XPA: variants seen among roughly 807,000 people sequenced by gnomAD.
XPA encodes the protein XPA, DNA damage recognition and repair factor, also known as DNA repair protein complementing XP-A cells.
In XPA, 27 loss-of-function variants were observed where a neutral mutation model predicts 35.7. The observed-to-expected ratio is 0.76, with a 90% confidence interval of 0.56 to 1.04. The LOEUF is 1.04. Among genes scored for constraint, XPA ranks in the 50% least tolerant of loss-of-function variants. The pLI, the probability that XPA is intolerant of heterozygous loss-of-function variation, is 0.00. For synonymous variants in XPA, 133 were observed against 118.4 expected (o/e 1.12, Z -0.80); for missense variants, 354 against 342.7 (o/e 1.03, Z -0.26).
chr9:97,693,427 T>G (rs1419931728), intron 2 of XPA, among the ~76,000 whole-genome samples: 1 of 152,198 alleles, frequency 6.6e-6, no homozygotes, highest in Non-Finnish European at 1.5e-5. Flanking sequence ...AACCCCTAAG[T>G]ACATCAGCCA....
chr9:97,682,086 CTATA>C (rs1303193596), intron 5 of XPA: 1 of 303,304 alleles, frequency 3.3e-6, no homozygotes, highest in Admixed American at 4.3e-5. Flanking sequence ...ATCTATCTAT[CTATA>C]CACACCTTAT....
the XPA span, among the ~76,000 whole-genome samples, chr9:97,655,144 T>C: frequency 2.0e-5 from 3 of 152,360 alleles, no homozygotes; most frequent in East Asian, 1.9e-4. Context: ...TTTTCTTTAA[T>C]TTCATTCTCT....
the XPA span, among the ~76,000 whole-genome samples, chr9:97,657,520 A>T: frequency 1.3e-5 from 2 of 152,190 alleles, no homozygotes; most frequent in African/African-American, 4.8e-5. Flanking sequence ...CCACCTGGTC[A>T]TGTCAATATC....
intron 1 of XPA, among the ~76,000 whole-genome samples, chr9:97,694,302 T>C (rs779288307): frequency 1.3e-5 from 2 of 152,228 alleles, no homozygotes; most frequent in Admixed American, 6.5e-5. Context: ...TTTTGGGCCA[T>C]GGTTGATTGT....
In XPA at chr9:97,676,540, C is replaced by G. The variant is rs891504326; in HGVS notation, c.674-953G>C. ...AAAAATAACATACATCAAGTAATCA[C>G]ATATTTTCCCTGATCCATTTTAGAT... On this transcript the variant is annotated intron_variant, in intron 5 of 5. Coordinates refer to ENST00000375128, the MANE Select transcript of XPA (RefSeq NM_000380.4). Among the ~76,000 whole-genome samples, 4 of 152,264 alleles carry G rather than the reference C, an allele frequency of 2.6e-5. No homozygotes were observed. The South Asian group carries it at 8.3e-4, about 32-fold the overall frequency.
chr9:97,676,164 G>A (rs1375920710), intron 5 of XPA, among the ~76,000 whole-genome samples: 1 of 152,054 alleles, frequency 6.6e-6, no homozygotes, highest in East Asian at 1.9e-4. Flanking sequence ...TTTAGGAGAG[G>A]GCTAAAAATA....
At chr9:97,679,447 A>G (rs138907300) in intron 5 of XPA, among the ~76,000 whole-genome samples, 1 of 152,346 alleles carries the variant, frequency 6.6e-6, no homozygotes, top group African/African-American at 2.4e-5. Context: ...AGGGGATTCT[A>G]CTGGGCAAAT....
the XPA span, among the ~76,000 whole-genome samples, chr9:97,655,353 T>G: frequency 6.6e-6 from 1 of 152,188 alleles, no homozygotes; most frequent in Non-Finnish European, 1.5e-5. Flanking sequence ...TAGCTGGGAT[T>G]ACAGGCATGA....
At chr9:97,686,444 GTTAGATT>G (rs1383951995) in intron 4 of XPA, among the ~76,000 whole-genome samples, 1 of 152,120 alleles carries the variant, frequency 6.6e-6, no homozygotes, top group African/African-American at 2.4e-5. Context: ...GATGGGTAGA[GTTAGATT>G]TTAGGTATTT....
intron 5 of XPA, among the ~76,000 whole-genome samples, chr9:97,680,215 T>A (rs1181792614): frequency 6.6e-6 from 1 of 152,164 alleles, no homozygotes; most frequent in African/African-American, 2.4e-5. Context: ...CACCATTGTT[T>A]TTTGTTTTTT....
the XPA span, among the ~76,000 whole-genome samples, chr9:97,664,127 T>TGAGA: frequency 1.3e-5 from 2 of 151,966 alleles, no homozygotes; most frequent in African/African-American, 4.8e-5. Flanking sequence ...TGCAGTGAGC[T>TGAGA]GAGATCGTGC....
chr9:97,687,724 A>T (rs1828765583), intron 3 of XPA, among the ~76,000 whole-genome samples: 1 of 152,168 alleles, frequency 6.6e-6, no homozygotes, highest in African/African-American at 2.4e-5. Flanking sequence ...CGAAAGGGGT[A>T]ATGGGGGAGA....
the XPA span, chr9:97,655,828 CAT>C: frequency 6.9e-7 from 1 of 1,455,424 alleles, no homozygotes; most frequent in Non-Finnish European, 9.4e-7. Context: ...AAAACTGTAA[CAT>C]AAAAGTGTCT....
the XPA span, chr9:97,669,806 A>C: frequency 1.3e-6 from 1 of 788,962 alleles, no homozygotes; most frequent in Non-Finnish European, 2.2e-6. Flanking sequence ...GTTATATAGT[A>C]CCTGTTAGAC....
chr9:97,660,147 G>A, the XPA span, among the ~76,000 whole-genome samples: 1 of 152,018 alleles, frequency 6.6e-6, no homozygotes, highest in Non-Finnish European at 1.5e-5. Context: ...GTTTTTCTTC[G>A]CCTTCTTTTT....
chr9:97,695,366 T>A (rs1486605737), intron 1 of XPA, among the ~76,000 whole-genome samples: 1 of 152,266 alleles, frequency 6.6e-6, no homozygotes, highest in Non-Finnish European at 1.5e-5. Context: ...CCTGTTCATC[T>A]CTCTGTATCC....
Position 97,675,373 on chromosome 9 carries a change from A to C in XPA, c.*66T>G, listed in dbSNP as rs1236317501. On this transcript the variant is annotated 3_prime_UTR_variant, in exon 6 of 6. Coordinates refer to ENST00000375128, the MANE Select transcript of XPA (RefSeq NM_000380.4). ...TTGCTTTTTTTTTTGAATTTTGAAA[A>C]GGACCAATCTAAATTTCCTTTATTT... 2 of 1,492,382 alleles carry C rather than the reference A, an allele frequency of 1.3e-6. No homozygotes were observed. Among genetic ancestry groups the C allele is most frequent in the African/African-American group, 2.9e-5 (2 of 69,646 alleles). 92.4% of individuals were successfully genotyped at this position (1,492,382 alleles called of 1,614,324 possible).
intron 5 of XPA, chr9:97,682,096 C>A: frequency 2.7e-6 from 1 of 366,086 alleles, no homozygotes; most frequent in South Asian, 2.1e-5. Flanking sequence ...CTATACACAC[C>A]TTATACTATT....
the XPA span, among the ~76,000 whole-genome samples, chr9:97,658,316 ATATT>A: frequency 6.6e-6 from 1 of 152,102 alleles, no homozygotes; most frequent in African/African-American, 2.4e-5. Flanking sequence ...ATTATCCTCA[ATATT>A]TATTTATTTG....
Sources: gnomAD v4.1 joint callset for allele counts (sites outside exome capture counted in the v4.1 genomes callset) on GRCh38, gnomAD v4.1.1 for gene constraint, MANE v1.5 for transcripts, NCBI Gene and HGNC (gene_info 2026-07-23, HGNC 2026-07-21) for gene names.